Variants in BEST3 observed in about 807,000 individuals in gnomAD.
BEST3 encodes the protein bestrophin 3.
Under a neutral mutation model 47.1 loss-of-function variants are expected in BEST3, and 50 were observed. The observed-to-expected ratio is 1.06, with a 90% CI of 0.85 to 1.34. BEST3 has a LOEUF of 1.34. Among genes scored for constraint, BEST3 ranks in the 40% most tolerant of loss-of-function variants. BEST3 has a pLI of 0.00. For missense variants in BEST3, 765 were observed against 817.0 expected, an observed-to-expected ratio of 0.94 and a Z score of 0.78; for synonymous variants, 282 against 298.8, an observed-to-expected ratio of 0.94 and a Z score of 0.58.
At position 69,654,742 on chromosome 12, in the gene BEST3, CA is replaced by C; in HGVS notation, c.*164del. ...AATGCGTTTGATTTTTCGCAGCTCT[CA>C]AAAAGTCAGGATCATAATGCCCTTC... On this transcript the variant is annotated 3_prime_UTR_variant, in exon 10 of 10. Coordinates refer to ENST00000330891, the MANE Select transcript of BEST3 (RefSeq NM_032735.3). 7.4e-7 allele frequency: 1 copy of C among 1,352,792 alleles called. No individual in the cohort carries two copies. The highest frequency in any genetic ancestry group is 9.5e-7 in the Non-Finnish European group (1 of 1,052,884). 83.8% of individuals were successfully genotyped at this position (1,352,792 alleles called of 1,614,324 possible).
downstream of BEST3, among the ~76,000 whole-genome samples, chr12:69,653,355 G>A (rs1388867472): frequency 6.6e-6 from 1 of 152,222 alleles, no homozygotes; most frequent in East Asian, 1.9e-4. Flanking sequence ...AGAATGCTGG[G>A]CAAATTGCTG....
At chr12:69,678,677 A>T (rs1371600131) in intron 5 of BEST3, 62 bp downstream of exon 5, 3 of 1,507,034 alleles carry the variant, frequency 2.0e-6, no homozygotes, top group Non-Finnish European at 2.8e-6. Context: ...CTAACGTGTT[A>T]TATCCAGGTC....
intron 9 of BEST3, among the ~76,000 whole-genome samples, chr12:69,668,563 C>T (rs892758065): frequency 3.3e-5 from 5 of 152,186 alleles, no homozygotes; most frequent in African/African-American, 1.2e-4. Context: ...GGGAACCATT[C>T]ATTGCTTAGG....
intron 9 of BEST3, among the ~76,000 whole-genome samples, chr12:69,663,008 T>C (rs938452316): frequency 1.3e-5 from 2 of 152,216 alleles, no homozygotes; most frequent in African/African-American, 4.8e-5. Flanking sequence ...GATAGTTTGT[T>C]AGGGTTTTTC....
At chr12:69,657,280 G>C (rs935109692) in intron 9 of BEST3, among the ~76,000 whole-genome samples, 1 of 151,982 alleles carries the variant, frequency 6.6e-6, no homozygotes, top group Admixed American at 6.6e-5. Flanking sequence ...ATTTTTAATA[G>C]AGAGGGAGTT....
intron 9 of BEST3, among the ~76,000 whole-genome samples, chr12:69,663,272 G>A (rs1593144973): frequency 6.6e-6 from 1 of 152,182 alleles, no homozygotes; most frequent in East Asian, 1.9e-4. Flanking sequence ...TCTGGACCTT[G>A]ATTTTTGTTC....
chr12:69,664,844 G>C (rs919382028), intron 9 of BEST3, among the ~76,000 whole-genome samples: 2 of 151,982 alleles, frequency 1.3e-5, no homozygotes, highest in Non-Finnish European at 2.9e-5. Context: ...AAATTTGATT[G>C]TCAGCTTCCC....
At chr12:69,693,518 A>C (rs1360794484) in intron 4 of BEST3, among the ~76,000 whole-genome samples, 156 bp downstream of exon 4, 1 of 151,886 alleles carries the variant, frequency 6.6e-6, no homozygotes, top group African/African-American at 2.4e-5. Context: ...GCCCGCCTCC[A>C]CCTTCCAAAG....
chr12:69,682,395 T>C (rs572323855), intron 4 of BEST3, among the ~76,000 whole-genome samples: 4 of 152,318 alleles, frequency 2.6e-5, no homozygotes, highest in African/African-American at 9.6e-5. Flanking sequence ...TTGGGTTATT[T>C]ATACTAGCTT....
intron 9 of BEST3, 139 bp from the exon 10 acceptor site, chr12:69,655,952 T>G (rs980137815): frequency 7.6e-7 from 1 of 1,321,064 alleles, no homozygotes; most frequent in Non-Finnish European, 1.0e-6. Context: ...CTTGAGATAG[T>G]CTAGCAGAGG....
At chr12:69,692,117 T>G (rs1170928703) in intron 4 of BEST3, among the ~76,000 whole-genome samples, 1 of 152,224 alleles carries the variant, frequency 6.6e-6, no homozygotes, top group Non-Finnish European at 1.5e-5. Flanking sequence ...GACATTCATC[T>G]CTACAGTTTT....
intron 9 of BEST3, chr12:69,660,828 A>G (rs1455599832): frequency 1.3e-5 from 2 of 152,224 alleles, no homozygotes; most frequent in African/African-American, 4.8e-5. Flanking sequence ...CATTATTTCC[A>G]CAGGTTAGGT....
At chr12:69,656,493 AG>A (rs1418288348) in intron 9 of BEST3, among the ~76,000 whole-genome samples, 3 of 152,044 alleles carry the variant, frequency 2.0e-5, no homozygotes, top group African/African-American at 7.3e-5. Context: ...AATGGATCAT[AG>A]GTAAATTCAC....
intron 9 of BEST3, among the ~76,000 whole-genome samples, chr12:69,646,228 G>A (rs11177763): frequency 0.11 from 16,046 of 152,184 alleles, 1,119 homozygotes; most frequent in Middle Eastern, 0.16. Flanking sequence ...GTGAGCCACC[G>A]TGCCTGGCCT....
chr12:69,675,181 G>A (rs1276952049), intron 7 of BEST3, among the ~76,000 whole-genome samples: 4 of 152,126 alleles, frequency 2.6e-5, no homozygotes, highest in South Asian at 2.1e-4. Flanking sequence ...GTGCAGTGGT[G>A]TGAACATGGC....
intron 8 of BEST3, 103 bp downstream of exon 8, chr12:69,672,782 A>C: frequency 2.5e-6 from 2 of 796,012 alleles, no homozygotes; most frequent in Non-Finnish European, 4.0e-6. Context: ...TTTGTGGCTA[A>C]AGCTCTGAAG....
chr12:69,663,985 C>T (rs1234109390), intron 9 of BEST3, among the ~76,000 whole-genome samples: 2 of 152,138 alleles, frequency 1.3e-5, no homozygotes, highest in African/African-American at 4.8e-5. Context: ...TTTTTCATTG[C>T]TTATTAACTC....
rs765420920 is a variant in BEST3, at chr12:69,655,041, A to C, written c.1873T>G (p.Ser625Ala). ...PALLIDTETS[S>A]EISGINIVAG... ...ACAATGTTGATCCCACTGATCTCTGAGGATGTTTCTGTGTCAATTAAAAGA... is the reference window on the plus strand; with the variant it reads ...ACAATGTTGATCCCACTGATCTCTGCGGATGTTTCTGTGTCAATTAAAAGA... Residue 625 changes from serine (S) to alanine (A), a missense_variant, in exon 10 of 10, where the codon TCA becomes GCA. Physicochemically the swap from Ser to Ala is moderately conservative, Grantham distance 99. Transcript: ENST00000330891. The C allele has an allele frequency of 5.0e-6, 8 of 1,614,160 alleles. No homozygotes were observed. The South Asian group carries it at 8.8e-5, about 18-fold the overall frequency.
rs947627833 is a variant in BEST3 at position 69,678,591 on chromosome 12, G to C, written c.636+148C>G. 20 of 712,500 alleles carry C rather than the reference G, an allele frequency of 2.8e-5. No individual in the cohort carries two copies. The African/African-American group carries it at 3.6e-4, about 13-fold the overall frequency. 44.1% of individuals were successfully genotyped at this position (712,500 alleles called of 1,614,324 possible). A position where few individuals can be genotyped will look rare whatever the true frequency, so the allele number is the denominator to read the frequency against. ...CCTGTGTACCACCTCTGTCCTGCAT[G>C]TTGAGAGGTCTGACACTAGTCCAAT... On this transcript the variant is annotated intron_variant, in intron 5 of 9. Coordinates refer to ENST00000330891, the MANE Select transcript of BEST3 (RefSeq NM_032735.3).
Sources: gnomAD v4.1 joint callset for allele counts (sites outside exome capture counted in the v4.1 genomes callset) on GRCh38, gnomAD v4.1.1 for gene constraint, MANE v1.5 for transcripts, NCBI Gene and HGNC (gene_info 2026-07-23, HGNC 2026-07-21) for gene names.